MCTP1: variants seen among roughly 807,000 people sequenced by gnomAD.
MCTP1 encodes multiple C2 and transmembrane domain-containing protein 1.
A neutral mutation model predicts 120.6 loss-of-function variants in MCTP1; 69 were observed. The observed-to-expected ratio is 0.57, with a 90% CI of 0.47 to 0.70. The LOEUF (loss-of-function observed/expected upper bound fraction) is 0.70, where lower values mean the gene tolerates loss of function less well. Among genes scored for constraint, MCTP1 ranks in the 30% least tolerant of loss-of-function variants. The pLI is 0.00. For synonymous variants in MCTP1, 529 were observed against 493.1 expected, an observed-to-expected ratio of 1.07 and a Z score of -0.96; for missense variants, 1,203 against 1,248.8, an observed-to-expected ratio of 0.96 and a Z score of 0.55.
rs1047974752 is a variant in MCTP1, at chr5:95,071,907, C to T, written c.721-54423G>A. Among the ~76,000 whole-genome samples the T allele has an allele frequency of 3.3e-5, 5 of 152,266 alleles. No individual in the cohort carries two copies. The East Asian group carries it at 9.6e-4, about 29-fold the overall frequency. ...TGATATATTTTACTTCTCTGCTAGGCTTCCAAGTAAACAACAGGTAGAAAT... is the reference window on the plus strand; with the variant it reads ...TGATATATTTTACTTCTCTGCTAGGTTTCCAAGTAAACAACAGGTAGAAAT... On this transcript the variant is annotated intron_variant, in intron 1 of 22. Coordinates refer to ENST00000515393, the MANE Select transcript of MCTP1 (RefSeq NM_024717.7).
chr5:94,716,055 A>AAACT (rs1759132270), intron 19 of MCTP1, among the ~76,000 whole-genome samples: 1 of 152,212 alleles, frequency 6.6e-6, no homozygotes, highest in African/African-American at 2.4e-5. Context: ...GCCACCTCAG[A>AAACT]AACTGCGGGC....
At chr5:94,740,634 AT>A (rs1299387002) in intron 19 of MCTP1, among the ~76,000 whole-genome samples, 4 of 152,162 alleles carry the variant, frequency 2.6e-5, no homozygotes, top group Non-Finnish European at 5.9e-5. Context: ...TACCTTAGCA[AT>A]TTGTATGCAA....
chr5:95,023,976 T>C (rs1031318022), intron 1 of MCTP1: 2 of 338,822 alleles, frequency 5.9e-6, no homozygotes, highest in Non-Finnish European at 1.2e-5. Flanking sequence ...TTATTTTTAG[T>C]GCCTTCGTCT....
chr5:94,874,101 C>T (rs1178122154), intron 12 of MCTP1, among the ~76,000 whole-genome samples: 2 of 151,944 alleles, frequency 1.3e-5, no homozygotes, highest in Non-Finnish European at 2.9e-5. Context: ...TGTTTGATAC[C>T]TTATACAAAT....
chr5:95,226,061 C>T (rs1318843317), intron 1 of MCTP1, among the ~76,000 whole-genome samples: 2 of 152,002 alleles, frequency 1.3e-5, no homozygotes, highest in African/African-American at 2.4e-5. Flanking sequence ...TAAGTTCTTT[C>T]GCGGTGACTT....
At chr5:95,043,642 C>T (rs968229247) in intron 1 of MCTP1, among the ~76,000 whole-genome samples, 3 of 152,168 alleles carry the variant, frequency 2.0e-5, no homozygotes, top group Admixed American at 1.3e-4. Flanking sequence ...AAACATTTGC[C>T]ATTCTGATGG....
At chr5:94,859,732 T>G (rs570074469) in intron 17 of MCTP1, among the ~76,000 whole-genome samples, 1 of 151,822 alleles carries the variant, frequency 6.6e-6, no homozygotes, top group East Asian at 1.9e-4. Context: ...CTTTTCTGAG[T>G]GCTACCCATC....
chr5:94,798,101 T>TA (rs11300597), intron 18 of MCTP1, among the ~76,000 whole-genome samples: 7,594 of 148,158 alleles, frequency 0.051, 273 homozygotes, highest in African/African-American at 0.1. Context: ...TCCTTGATGG[T>TA]AAAAAAAAAA....
intron 17 of MCTP1, among the ~76,000 whole-genome samples, chr5:94,824,887 C>A (rs1357705620): frequency 1.3e-5 from 2 of 151,982 alleles, no homozygotes; most frequent in African/African-American, 4.8e-5. Context: ...GGTGATATTC[C>A]CTTTATCATT....
chr5:94,893,843 T>C (rs1440724336), intron 11 of MCTP1, among the ~76,000 whole-genome samples: 1 of 152,242 alleles, frequency 6.6e-6, no homozygotes, highest in Non-Finnish European at 1.5e-5. Context: ...CTGGCGGCAC[T>C]GTACAATACA....
chr5:94,960,050 T>A (rs1272301550), intron 2 of MCTP1, among the ~76,000 whole-genome samples: 1 of 152,152 alleles, frequency 6.6e-6, no homozygotes, highest in Non-Finnish European at 1.5e-5. Flanking sequence ...CAAAACAGCA[T>A]GGTACTGATA....
intron 2 of MCTP1, among the ~76,000 whole-genome samples, chr5:94,998,195 A>C (rs1832974383): frequency 6.6e-6 from 1 of 152,202 alleles, no homozygotes; most frequent in African/African-American, 2.4e-5. Flanking sequence ...TATTTAAAAA[A>C]ATAAGCAAAC....
In MCTP1 at chr5:94,922,488, T is replaced by TC. The variant is rs35952644; in HGVS notation, c.1272+1473dup. ...TCTCAAAGAAGTGTGCCATGTATAT[T>TC]CCCCCCCTTTTTTTTTTGAAATGGA... On this transcript the variant is annotated intron_variant, in intron 7 of 22. Coordinates refer to ENST00000515393, the MANE Select transcript of MCTP1 (RefSeq NM_024717.7). Among the ~76,000 whole-genome samples, 27 of 148,818 alleles carry TC rather than the reference T, an allele frequency of 1.8e-4. 1 individual carries two copies. The highest frequency in any genetic ancestry group is 1.1e-3 in the South Asian group (5 of 4,630).
rs918310021 is a variant in MCTP1 at position 94,953,353 on chromosome 5, C to G, written c.847G>C (p.Asp283His). The G allele has an allele frequency of 6.2e-7, 1 of 1,604,144 alleles. No homozygotes were observed. Among genetic ancestry groups the G allele is most frequent in the African/African-American group, 1.3e-5 (1 of 74,584 alleles). The change falls in exon 3 of 23, where the codon GAT becomes CAT. Residue 283 changes from aspartate (D) to histidine (H), a missense_variant. Coordinates refer to ENST00000515393, the MANE Select transcript of MCTP1 (RefSeq NM_024717.7). ...LAARDRGGTS[D>H]PYVKFKIGGK... ...CCGATTTTAAACTTCACATATGGATCACTCGTCCCTGTTAAATAGATAGAT... is the reference window on the plus strand; with the variant it reads ...CCGATTTTAAACTTCACATATGGATGACTCGTCCCTGTTAAATAGATAGAT...
At chr5:95,196,411 C>T (rs532204429) in intron 1 of MCTP1, among the ~76,000 whole-genome samples, 5 of 152,216 alleles carry the variant, frequency 3.3e-5, no homozygotes, top group South Asian at 4.1e-4. Flanking sequence ...CTCAAGAATA[C>T]ACAAAGCTGG....
intron 1 of MCTP1, among the ~76,000 whole-genome samples, chr5:95,253,086 A>T (rs1014733217): frequency 6.6e-5 from 10 of 152,158 alleles, no homozygotes; most frequent in Non-Finnish European, 1.2e-4. Context: ...ATTCAAGGAA[A>T]GAGTACTTGG....
At chr5:94,730,908 G>A (rs903057440) in intron 19 of MCTP1, among the ~76,000 whole-genome samples, 49 of 151,282 alleles carry the variant, frequency 3.2e-4, no homozygotes, top group Non-Finnish European at 5.9e-4. Context: ...TCCAGCCAAA[G>A]AAACAAACAC....
chr5:95,034,913 C>T (rs1432411345), intron 1 of MCTP1, among the ~76,000 whole-genome samples: 1 of 151,950 alleles, frequency 6.6e-6, no homozygotes, highest in Non-Finnish European at 1.5e-5. Flanking sequence ...GGGCAAAAGA[C>T]ATGAACAGAT....
intron 12 of MCTP1, among the ~76,000 whole-genome samples, chr5:94,884,218 A>C (rs1800747557): frequency 6.6e-6 from 1 of 152,198 alleles, no homozygotes; most frequent in East Asian, 1.9e-4. Flanking sequence ...TTTCATGCAT[A>C]TCTCATTTGC....
Sources: gnomAD v4.1 joint callset for allele counts (sites outside exome capture counted in the v4.1 genomes callset) on GRCh38, gnomAD v4.1.1 for gene constraint, MANE v1.5 for transcripts, NCBI Gene and HGNC (gene_info 2026-07-23, HGNC 2026-07-21) for gene names.